Variants in ALPK2 observed in about 807,000 individuals in gnomAD.
ALPK2 encodes the protein alpha-protein kinase 2.
ALPK2 carries 127 observed loss-of-function variants against 163.1 expected under a neutral mutation model. That is an observed-to-expected ratio of 0.78 (90% CI 0.67 to 0.90). The LOEUF is 0.90. Among genes scored for constraint, ALPK2 ranks in the 40% least tolerant of loss-of-function variants. The pLI is 0.00. For synonymous variants in ALPK2, 953 were observed against 959.1 expected (o/e 0.99, Z 0.12); for missense variants, 2,360 against 2,589.6 (o/e 0.91, Z 1.92).
At chr18:58,560,662 T>G (rs1329602372) in intron 4 of ALPK2, among the ~76,000 whole-genome samples, 1 of 152,200 alleles carries the variant, frequency 6.6e-6, no homozygotes, top group Non-Finnish European at 1.5e-5. Flanking sequence ...CAGTAACATA[T>G]TCACAGGTTC....
intron 4 of ALPK2, among the ~76,000 whole-genome samples, chr18:58,550,010 C>A (rs537252064): frequency 1.3e-5 from 2 of 152,254 alleles, no homozygotes; most frequent in South Asian, 4.1e-4. Flanking sequence ...CTCCCAGTAG[C>A]TCTGAGCAGG....
At chr18:58,590,824 A>G (rs950622986) in intron 3 of ALPK2, among the ~76,000 whole-genome samples, 2 of 152,140 alleles carry the variant, frequency 1.3e-5, no homozygotes, top group African/African-American at 2.4e-5. Context: ...CACACACCTA[A>G]AGAGCCGAAA....
rs2051802826 is a variant in ALPK2 at position 58,557,818 on chromosome 18, A to G, written c.1963-19594T>C. On this transcript the variant is annotated intron_variant, in intron 4 of 12. Transcript: ENST00000361673. ...CTTTTAAAAAATTACAATAGAGCTG[A>G]GTACATGCAGTCCCAGCTACTGGGG... is the stretch of plus-strand genomic sequence containing the variant. Among the ~76,000 whole-genome samples the G allele has an allele frequency of 2.0e-5, 3 of 152,044 alleles. No individual in the cohort carries two copies. In the South Asian group the frequency reaches 6.2e-4, roughly 32 times the overall value.
chr18:58,489,581 G>A (rs1009474256), intron 12 of ALPK2, among the ~76,000 whole-genome samples: 13 of 152,060 alleles, frequency 8.5e-5, no homozygotes, highest in Non-Finnish European at 1.6e-4. Flanking sequence ...CAGTTTCTTG[G>A]GAGGCTGAGG....
chr18:58,531,209 T>C (rs976353955), intron 5 of ALPK2, among the ~76,000 whole-genome samples: 6 of 152,096 alleles, frequency 3.9e-5, no homozygotes, highest in Non-Finnish European at 8.8e-5. Flanking sequence ...GTAATAATAA[T>C]AATTTTTTAA....
intron 4 of ALPK2, among the ~76,000 whole-genome samples, chr18:58,557,626 G>A (rs193135682): frequency 2.6e-5 from 4 of 151,420 alleles, no homozygotes; most frequent in Non-Finnish European, 2.9e-5. Context: ...TAAGAATTAC[G>A]TATAAACTAT....
rs780751627 is a variant in ALPK2, at chr18:58,537,416, G to A, written c.2771C>T (p.Thr924Ile). ...TGGCTGCTCCTGGCCAGCATGTACTGTGGAGGCCAGTGGGTAGGTGGAATT... is the reference window on the plus strand; with the variant it reads ...TGGCTGCTCCTGGCCAGCATGTACTATGGAGGCCAGTGGGTAGGTGGAATT... ...VENSTYPLAS[T>I]VHAGQEQPSP... is the part of the protein sequence containing the mutation. The change falls in exon 5 of 13, where the codon ACA becomes ATA. Residue 924 changes from threonine (T) to isoleucine (I), a missense_variant. Thr to Ile is a moderately conservative substitution (Grantham distance 89). Transcript: ENST00000361673. The A allele has an allele frequency of 6.2e-6, 10 of 1,613,508 alleles. No individual in the cohort carries two copies. The highest frequency in any genetic ancestry group is 2.7e-5 in the African/African-American group (2 of 74,924).
intron 3 of ALPK2, among the ~76,000 whole-genome samples, chr18:58,596,455 C>G (rs1010629973): frequency 4.6e-5 from 7 of 152,208 alleles, no homozygotes; most frequent in Admixed American, 4.6e-4. Flanking sequence ...CAAGGAGCAG[C>G]TCCAACAGGA....
rs139595863 is a variant in ALPK2 at position 58,554,526 on chromosome 18, C to T, written c.1963-16302G>A. Among the ~76,000 whole-genome samples the T allele has an allele frequency of 7.1e-3, 1,084 of 152,322 alleles. 4 individuals are homozygous for T. Among genetic ancestry groups the T allele is most frequent in the Non-Finnish European group, 0.011 (734 of 68,028 alleles). On this transcript the variant is annotated intron_variant, in intron 4 of 12. Coordinates refer to ENST00000361673, the MANE Select transcript of ALPK2 (RefSeq NM_052947.4). ...CACTGACCTGCAGGTGCTCCTCCTT[C>T]CACCCCATGGGGGATGTCCCCTCCC... is the stretch of plus-strand genomic sequence containing the variant.
intron 2 of ALPK2, among the ~76,000 whole-genome samples, chr18:58,608,950 C>A: frequency 7.2e-6 from 1 of 139,106 alleles, no homozygotes. Context: ...AGAGTGGGAC[C>A]TTGTCTCAAA....
At chr18:58,509,855 G>C (rs1299958672) in intron 10 of ALPK2, among the ~76,000 whole-genome samples, 3 of 151,580 alleles carry the variant, frequency 2.0e-5, no homozygotes, top group Middle Eastern at 3.4e-3. Context: ...TCTGATGGTA[G>C]TTTCTTTTGC....
chr18:58,511,169 T>G (rs1028226226), intron 10 of ALPK2, among the ~76,000 whole-genome samples: 36 of 152,216 alleles, frequency 2.4e-4, no homozygotes, highest in Non-Finnish European at 4.0e-4. Flanking sequence ...GTTGGTTCTG[T>G]TTATATGCTG....
chr18:58,619,562 G>A (rs73447267), intron 1 of ALPK2, among the ~76,000 whole-genome samples: 2,778 of 152,164 alleles, frequency 0.018, 89 homozygotes, highest in African/African-American at 0.064. Flanking sequence ...TATTACATAC[G>A]TTTCTGTTAC....
intron 10 of ALPK2, among the ~76,000 whole-genome samples, chr18:58,512,696 G>A (rs1183393250): frequency 6.8e-6 from 1 of 146,162 alleles, no homozygotes; most frequent in African/African-American, 2.5e-5. Context: ...GTATGTTCGT[G>A]TGGTGTGTAT....
rs751436346 is a variant in ALPK2 at position 58,579,548 on chromosome 18, C to T, written c.1228G>A (p.Val410Ile). 1 of 1,613,664 alleles carries T rather than the reference C, an allele frequency of 6.2e-7. No homozygotes were observed. The highest frequency in any genetic ancestry group is 1.1e-5 in the South Asian group (1 of 91,072). Residue 410 changes from valine (V) to isoleucine (I), a missense_variant, in exon 4 of 13, where the codon GTT becomes ATT. Transcript: ENST00000361673. ...GAGACTCTGCTGCTCCTCACCCCAA[C>T]TTCTTGGGGTTGTGAGTGATGACCA... ...FCGHHSQPQEVGVRSSRVSKH... is the reference protein window; with the variant it reads ...FCGHHSQPQEIGVRSSRVSKH...
chr18:58,562,438 T>A (rs1020909853), intron 4 of ALPK2, among the ~76,000 whole-genome samples: 1 of 152,226 alleles, frequency 6.6e-6, no homozygotes, highest in South Asian at 2.1e-4. Flanking sequence ...TTCAGAAAAA[T>A]GCCTTACTGA....
At chr18:58,616,540 C>G (rs1284145526) in intron 1 of ALPK2, among the ~76,000 whole-genome samples, 1 of 152,110 alleles carries the variant, frequency 6.6e-6, no homozygotes, top group Non-Finnish European at 1.5e-5. Flanking sequence ...GCCTATGTAG[C>G]GAAGCCTCCA....
intron 12 of ALPK2, among the ~76,000 whole-genome samples, chr18:58,485,489 G>A (rs749799180): frequency 6.6e-6 from 1 of 152,214 alleles, no homozygotes; most frequent in Non-Finnish European, 1.5e-5. Context: ...CTGGCTGGGG[G>A]ACTGCTCTGC....
At chr18:58,565,842 G>A (rs1209384353) in intron 4 of ALPK2, among the ~76,000 whole-genome samples, 2 of 151,164 alleles carry the variant, frequency 1.3e-5, no homozygotes, top group Admixed American at 1.3e-4. Context: ...CTGTCACCCA[G>A]GCTGGAGTGC....
Sources: allele counts gnomAD v4.1 joint callset (sites outside exome capture counted in the v4.1 genomes callset), GRCh38; gene constraint gnomAD v4.1.1; transcripts MANE v1.5; gene names NCBI Gene and HGNC (gene_info 2026-07-23, HGNC 2026-07-21).